PRDM16: variants seen among roughly 807,000 people sequenced by gnomAD.
PRDM16 encodes the protein PR/SET domain 16.
PRDM16 carries 23 observed loss-of-function variants against 110.6 expected under a neutral mutation model. That is an observed-to-expected ratio of 0.21 (90% CI 0.15 to 0.29). The LOEUF (loss-of-function observed/expected upper bound fraction) is 0.29, where lower values mean the gene tolerates loss of function less well. Ranked by LOEUF, PRDM16 falls within the 10% of genes least tolerant of loss-of-function variation. PRDM16 has a pLI of 1.00. For synonymous variants in PRDM16, 799 were observed against 781.8 expected, an observed-to-expected ratio of 1.02 and a Z score of -0.37; for missense variants, 1,615 against 1,794.3, an observed-to-expected ratio of 0.90 and a Z score of 1.81.
In PRDM16 at chr1:3,122,936, C is replaced by T. The variant is rs75708078; in HGVS notation, c.37+53640C>T. Among the ~76,000 whole-genome samples the T allele has an allele frequency of 6.8e-3, 1,042 of 152,316 alleles. 28 individuals carry two copies. In the East Asian group the frequency reaches 0.084, roughly 12 times the overall value. On this transcript the variant is annotated intron_variant, in intron 1 of 16. Transcript: ENST00000270722. ...AAGGGCAAGAGGCGGAGCGCTTGCA[C>T]GGGAGCCCGAGGCCTGGGGGACGGC...
At chr1:3,254,949 C>G (rs1448330844) in intron 3 of PRDM16, among the ~76,000 whole-genome samples, 1 of 152,142 alleles carries the variant, frequency 6.6e-6, no homozygotes, top group African/African-American at 2.4e-5. Flanking sequence ...GTACTGGAAC[C>G]AAAACAGAGA....
intron 1 of PRDM16, among the ~76,000 whole-genome samples, chr1:3,130,993 G>T (rs887790771): frequency 2.0e-5 from 3 of 152,022 alleles, no homozygotes; most frequent in Admixed American, 6.6e-5. Context: ...TGACCCGTCC[G>T]TGTTTATCCT....
chr1:3,311,151 A>C (rs2100415726), intron 3 of PRDM16, among the ~76,000 whole-genome samples: 1 of 152,326 alleles, frequency 6.6e-6, no homozygotes, highest in East Asian at 1.9e-4. Flanking sequence ...CCGAGGGCTG[A>C]TGGCCCAAGC....
At chr1:3,341,814 A>G (rs1326363062) in intron 3 of PRDM16, among the ~76,000 whole-genome samples, 1 of 152,272 alleles carries the variant, frequency 6.6e-6, no homozygotes, top group African/African-American at 2.4e-5. Flanking sequence ...TCTGCAGCGC[A>G]CTGTGTGGCC....
At chr1:3,410,049 G>A (rs913414226) in intron 8 of PRDM16, among the ~76,000 whole-genome samples, 27 of 138,756 alleles carry the variant, frequency 1.9e-4, no homozygotes, top group Admixed American at 1.5e-3. Flanking sequence ...GTGTGTGTAC[G>A]AATGTGGTGT....
chr1:3,240,030 GAGA>G (rs1639625451), intron 2 of PRDM16, among the ~76,000 whole-genome samples: 1 of 129,056 alleles, frequency 7.7e-6, no homozygotes, highest in Admixed American at 8.1e-5. Context: ...GAGAGAAGAG[GAGA>G]GGAGAAGAGG....
In PRDM16 at chr1:3,432,166, C is replaced by A. The variant is rs370855247; in HGVS notation, c.3696+26C>A. On this transcript the variant is annotated intron_variant, in intron 16 of 16. Coordinates refer to ENST00000270722, the MANE Select transcript of PRDM16 (RefSeq NM_022114.4). ...GTAGGTACCCGCCAGAGCCCCTCCCCCACCCCACCTGGCCTCCTCAGCCAG... is the reference window on the plus strand; with the variant it reads ...GTAGGTACCCGCCAGAGCCCCTCCCACACCCCACCTGGCCTCCTCAGCCAG... The A allele has an allele frequency of 3.7e-6, 6 of 1,603,308 alleles. No individual in the cohort carries two copies. In the East Asian group the frequency reaches 1.1e-4, roughly 30 times the overall value.
intron 8 of PRDM16, among the ~76,000 whole-genome samples, chr1:3,406,146 T>C (rs1222938442): frequency 6.6e-6 from 1 of 152,138 alleles, no homozygotes; most frequent in African/African-American, 2.4e-5. Context: ...GGGCCAGCCC[T>C]GAATAAAAGA....
chr1:3,249,343 C>A (rs1473796766), intron 3 of PRDM16, among the ~76,000 whole-genome samples: 1 of 152,008 alleles, frequency 6.6e-6, no homozygotes, highest in East Asian at 1.9e-4. Context: ...GGTATGGGAA[C>A]TAGAAGGCTC....
chr1:3,368,944 G>A lies in PRDM16; in HGVS notation c.439-16208G>A, dbSNP rs144437150. 7.6e-3 allele frequency among the ~76,000 whole-genome samples: 1,153 copies of A among 152,324 alleles called. 18 individuals are homozygous for A. The highest frequency in any genetic ancestry group is 0.025 in the African/African-American group (1,056 of 41,558). The stretch of plus-strand genomic sequence containing the variant: ...AATCGGCCGCATGCTGCCTCCCCTC[G>A]GAGAGGCCGTGGGGTTGGCGGATGC... On this transcript the variant is annotated intron_variant, in intron 3 of 16. Coordinates refer to ENST00000270722, the MANE Select transcript of PRDM16 (RefSeq NM_022114.4).
intron 2 of PRDM16, among the ~76,000 whole-genome samples, chr1:3,236,998 G>A (rs1330467822): frequency 6.6e-6 from 1 of 152,170 alleles, no homozygotes; most frequent in South Asian, 2.1e-4. Flanking sequence ...AAGCTGGGGG[G>A]CACAGGCCGG....
At chr1:3,111,530 G>T (rs1183981902) in intron 1 of PRDM16, among the ~76,000 whole-genome samples, 5 of 86,472 alleles carry the variant, frequency 5.8e-5, no homozygotes, top group Non-Finnish European at 1.3e-4. Context: ...GAAGGGGAGA[G>T]CGGAGGGAAA....
intron 6 of PRDM16, among the ~76,000 whole-genome samples, chr1:3,403,612 G>A (rs1643511392): frequency 6.6e-6 from 1 of 152,222 alleles, no homozygotes; most frequent in African/African-American, 2.4e-5. Context: ...GCCCTCCCCT[G>A]CCCTGAGACC....
At chr1:3,112,517 C>T (rs2072733) in intron 1 of PRDM16, among the ~76,000 whole-genome samples, 19,290 of 152,238 alleles carry the variant, frequency 0.13, 1,484 homozygotes, top group East Asian at 0.3. Context: ...GGGCCGGCTT[C>T]GCCCCAGGGC....
At chr1:3,151,253 C>T (rs889632310) in intron 1 of PRDM16, among the ~76,000 whole-genome samples, 1 of 152,224 alleles carries the variant, frequency 6.6e-6, no homozygotes, top group Admixed American at 6.5e-5. Flanking sequence ...CTAGAGAAGG[C>T]TCGACCAAGG....
intron 1 of PRDM16, among the ~76,000 whole-genome samples, chr1:3,124,722 C>T (rs1643168104): frequency 6.6e-6 from 1 of 152,236 alleles, no homozygotes; most frequent in South Asian, 2.1e-4. Flanking sequence ...AGCCTGGTGA[C>T]AGCCCCTCGA....
Position 3,244,488 on chromosome 1 carries a change from T to G in PRDM16, c.438+351T>G, listed in dbSNP as rs570547952. On this transcript the variant is annotated intron_variant, in intron 3 of 16. Transcript: ENST00000270722. The surrounding 1 kb of genome is among the most constrained non-coding windows in gnomAD (Gnocchi z 4.1). ...GCAGGTTGTGTTTATTTAACTGTCTTTGCTGGATACTCTCATGAAAAGAAT... is the reference window on the plus strand; with the variant it reads ...GCAGGTTGTGTTTATTTAACTGTCTGTGCTGGATACTCTCATGAAAAGAAT... Among the ~76,000 whole-genome samples, 54 of 152,222 alleles carry G rather than the reference T, an allele frequency of 3.5e-4. 1 individual carries two copies. The South Asian group carries it at 9.9e-3, about 28-fold the overall frequency.
At chr1:3,325,905 T>C (rs1200290500) in intron 3 of PRDM16, among the ~76,000 whole-genome samples, 1 of 146,400 alleles carries the variant, frequency 6.8e-6, no homozygotes, top group Non-Finnish European at 1.5e-5. Flanking sequence ...TTGGCCCTCT[T>C]GGCCCTCCTT....
chr1:3,283,237 C>T (rs1183826737), intron 3 of PRDM16, among the ~76,000 whole-genome samples: 2 of 152,252 alleles, frequency 1.3e-5, no homozygotes, highest in South Asian at 2.1e-4. Context: ...CCATTAGAGG[C>T]GGGGCTGTCC....
Sources: allele counts gnomAD v4.1 joint callset (sites outside exome capture counted in the v4.1 genomes callset), GRCh38; gene constraint gnomAD v4.1.1; non-coding constraint Gnocchi (gnomAD v3.1); transcripts MANE v1.5; gene names NCBI Gene and HGNC (gene_info 2026-07-23, HGNC 2026-07-21).